EIF4G3: variants seen among roughly 807,000 people sequenced by gnomAD.
EIF4G3 encodes eIF-4-gamma 3.
Under a neutral mutation model 186.4 loss-of-function variants are expected in EIF4G3, and 34 were observed. The observed-to-expected ratio is 0.18, with a 90% confidence interval of 0.14 to 0.24. The LOEUF (loss-of-function observed/expected upper bound fraction) is 0.24. EIF4G3 is among the 10% of genes least tolerant of loss of function. The probability of loss-of-function intolerance (pLI) is 1.00; values close to 1 mark genes in which losing one functional copy is unlikely to be tolerated. For missense variants in EIF4G3, 1,536 were observed against 1,948.5 expected (o/e 0.79, Z 3.99); for synonymous variants, 673 against 679.5 (o/e 0.99, Z 0.15).
At chr1:20,944,218 T>G (rs1043265920) in intron 13 of EIF4G3, among the ~76,000 whole-genome samples, 2 of 151,962 alleles carry the variant, frequency 1.3e-5, no homozygotes, top group African/African-American at 4.8e-5. Flanking sequence ...CTAGATGCAG[T>G]AAATTTAAAA....
intron 4 of EIF4G3, among the ~76,000 whole-genome samples, chr1:21,011,852 T>C (rs2087210976): frequency 6.6e-6 from 1 of 152,208 alleles, no homozygotes; most frequent in Admixed American, 6.5e-5. Flanking sequence ...GGTAAATTAG[T>C]AGTACTAAGG....
Position 20,973,002 on chromosome 1 carries a change from A to G in EIF4G3, c.591T>C (p.Thr197=), listed in dbSNP as rs1243562283. Reference sequence around the variant, plus strand: ...AGAAAAAGTAATAAAAATCTCTTACAGTTTTTTTCTCTCTCTTGGCTGGAG... The same window carrying G: ...AGAAAAAGTAATAAAAATCTCTTACGGTTTTTTTCTCTCTCTTGGCTGGAG... ...QPPPAKREKK[T]IRIRDPNQGG... Residue 197 remains threonine, a splice_region_variant and synonymous_variant, in exon 11 of 37, where the codon ACT becomes ACC. Coordinates refer to ENST00000602326, the MANE Select transcript of EIF4G3 (RefSeq NM_001391906.1). 4 of 1,591,086 alleles carry G rather than the reference A, an allele frequency of 2.5e-6. No individual in the cohort carries two copies. The South Asian group carries it at 4.7e-5, about 19-fold the overall frequency.
At chr1:20,846,847 T>G (rs1259532544) in intron 29 of EIF4G3, among the ~76,000 whole-genome samples, 2 of 152,226 alleles carry the variant, frequency 1.3e-5, no homozygotes, top group Non-Finnish European at 2.9e-5. Context: ...CTTAACTTTT[T>G]AGAGTTACCG....
At chr1:21,098,469 G>T (rs1408613365) in intron 2 of EIF4G3, among the ~76,000 whole-genome samples, 3 of 145,122 alleles carry the variant, frequency 2.1e-5, no homozygotes, top group African/African-American at 7.5e-5. Context: ...AGCTCAGGAG[G>T]TGGAGACTGC....
At chr1:20,863,622 T>C (rs929491614) in intron 22 of EIF4G3, among the ~76,000 whole-genome samples, 9 of 151,894 alleles carry the variant, frequency 5.9e-5, no homozygotes, top group African/African-American at 2.2e-4. Context: ...TTCTGTATTT[T>C]TAGTAGAGAC....
At chr1:20,829,376 C>A in intron 30 of EIF4G3, 104 bp from the exon 31 acceptor site, 3 of 1,291,118 alleles carry the variant, frequency 2.3e-6, no homozygotes, top group Non-Finnish European at 2.2e-6. Context: ...TAATCACCTG[C>A]TATGTTAGGT....
At chr1:21,156,139 A>C (rs2097656610) in intron 2 of EIF4G3, among the ~76,000 whole-genome samples, 2 of 149,254 alleles carry the variant, frequency 1.3e-5, no homozygotes, top group Non-Finnish European at 3.0e-5. Flanking sequence ...AAAAAAAAAA[A>C]AACAACAAAA....
chr1:21,174,742 C>T (rs2098067110), intron 2 of EIF4G3: 1 of 152,160 alleles, frequency 6.6e-6, no homozygotes, highest in Non-Finnish European at 1.5e-5. Flanking sequence ...AAGTTATCAC[C>T]ACACTTTCTC....
chr1:21,071,602 G>A (rs2095441781), intron 3 of EIF4G3, among the ~76,000 whole-genome samples: 1 of 152,134 alleles, frequency 6.6e-6, no homozygotes, highest in South Asian at 2.1e-4. Context: ...GGGAAGCCAA[G>A]GAAGGTGGAT....
rs563645371 is a variant in EIF4G3 at position 20,889,972 on chromosome 1, G to T, written c.2253+3545C>A. On this transcript the variant is annotated intron_variant, in intron 18 of 36. Transcript: ENST00000602326. Reference sequence around the variant, plus strand: ...GCAAGTCTGTTACAGCAAAGTTTTTGGTTTTTTGTTTTTTTTTTTAGACAG... The same window carrying T: ...GCAAGTCTGTTACAGCAAAGTTTTTTGTTTTTTGTTTTTTTTTTTAGACAG... Among the ~76,000 whole-genome samples, 212 of 150,874 alleles carry T rather than the reference G, an allele frequency of 1.4e-3. 1 individual carries two copies. Among genetic ancestry groups the T allele is most frequent in the Non-Finnish European group, 2.5e-3 (169 of 67,578 alleles).
At chr1:20,876,351 A>C (rs1299678044) in intron 20 of EIF4G3, among the ~76,000 whole-genome samples, 4 of 150,654 alleles carry the variant, frequency 2.7e-5, no homozygotes, top group Non-Finnish European at 5.9e-5. Context: ...GTTATGGTAT[A>C]TGCATATTAT....
intron 11 of EIF4G3, among the ~76,000 whole-genome samples, chr1:20,971,515 T>G (rs928113659): frequency 2.6e-5 from 4 of 152,266 alleles, no homozygotes; most frequent in African/African-American, 9.6e-5. Context: ...TACCAAAGCA[T>G]ATAGTTTCTT....
At position 21,044,739 on chromosome 1, in the gene EIF4G3, C is replaced by T. The variant is rs112574191; in HGVS notation, c.-67+6127G>A. Among the ~76,000 whole-genome samples the T allele has an allele frequency of 1.0e-3, 156 of 151,384 alleles. 1 individual carries two copies. The highest frequency in any genetic ancestry group is 3.7e-3 in the African/African-American group (152 of 41,016). On this transcript the variant is annotated intron_variant, in intron 4 of 36. Transcript: ENST00000602326. ...CCCAGCTCACTGCAGCCTTAACATCCCAGTCTCAAGCGATCCTCTCACCTC... is the reference window on the plus strand; with the variant it reads ...CCCAGCTCACTGCAGCCTTAACATCTCAGTCTCAAGCGATCCTCTCACCTC...
intron 2 of EIF4G3, among the ~76,000 whole-genome samples, chr1:21,126,758 T>C (rs1053307573): frequency 2.6e-5 from 4 of 152,060 alleles, no homozygotes; most frequent in African/African-American, 9.7e-5. Context: ...ATTGATGAAG[T>C]ACAGTTGTCC....
chr1:21,158,019 C>A lies in EIF4G3; in HGVS notation c.-272+18156G>T, dbSNP rs371379753. Among the ~76,000 whole-genome samples the A allele has an allele frequency of 2.8e-4, 43 of 152,242 alleles. 3 individuals are homozygous for A. The highest frequency in any genetic ancestry group is 8.2e-4 in the African/African-American group (34 of 41,542). On this transcript the variant is annotated intron_variant, in intron 2 of 36. Coordinates refer to ENST00000602326, the MANE Select transcript of EIF4G3 (RefSeq NM_001391906.1). ...AAGTTTCCGAAGGCTATTTGACCAA[C>A]TGGAGGTTTCTCACAATTGTCCTTA...
intron 3 of EIF4G3, chr1:21,064,941 C>T (rs1415818158): frequency 2.6e-5 from 4 of 152,074 alleles, no homozygotes; most frequent in Non-Finnish European, 5.9e-5. Context: ...GAGCTTTCCA[C>T]CAAGACAAGG....
chr1:21,001,808 A>C lies in EIF4G3; in HGVS notation c.31-496T>G, dbSNP rs755437997. 5.3e-5 allele frequency among the ~76,000 whole-genome samples: 8 copies of C among 152,214 alleles called. No individual in the cohort carries two copies. The South Asian group carries it at 1.0e-3, about 20-fold the overall frequency. On this transcript the variant is annotated intron_variant, in intron 5 of 36. Transcript: ENST00000602326. ...TCTATGCTCTCCTAGTTCTTTAAGT[A>C]AGTCTTTGGTATATTTAAACAATTG...
chr1:20,889,674 T>C (rs1467107940), intron 18 of EIF4G3, among the ~76,000 whole-genome samples: 1 of 152,024 alleles, frequency 6.6e-6, no homozygotes, highest in African/African-American at 2.4e-5. Flanking sequence ...GTATTTTTAG[T>C]GGAGACGGGG....
intron 2 of EIF4G3, among the ~76,000 whole-genome samples, chr1:21,173,897 A>C (rs577654575): frequency 9.8e-5 from 15 of 152,344 alleles, no homozygotes; most frequent in African/African-American, 3.6e-4. Context: ...AGGGTAGAAA[A>C]GTAGAACTGC....
Sources: allele counts gnomAD v4.1 joint callset (sites outside exome capture counted in the v4.1 genomes callset), GRCh38; gene constraint gnomAD v4.1.1; transcripts MANE v1.5; gene names NCBI Gene and HGNC (gene_info 2026-07-23, HGNC 2026-07-21).